MELTF: variants seen among roughly 807,000 people sequenced by gnomAD.
The protein encoded by MELTF is melanotransferrin.
MELTF carries 67 observed loss-of-function variants against 83.7 expected under a neutral mutation model. That is an observed-to-expected ratio of 0.80 (90% CI 0.66 to 0.98). The LOEUF is 0.98. MELTF is among the 50% of genes least tolerant of loss of function. MELTF has a pLI of 0.00. For synonymous variants in MELTF, 462 were observed against 447.6 expected, an observed-to-expected ratio of 1.03 and a Z score of -0.41; for missense variants, 1,002 against 1,035.6, an observed-to-expected ratio of 0.97 and a Z score of 0.44.
In MELTF at chr3:197,006,612, G is replaced by A. The variant is rs373843781; in HGVS notation, c.1875C>T (p.His625=). Residue 625 remains histidine (H), a synonymous_variant, in exon 14 of 16, where the codon CAC becomes CAT. Transcript: ENST00000296350. The surrounding 1 kb of genome is among the most constrained non-coding windows in gnomAD (Gnocchi z 5.4). ...TGGTGTCGGGCCGGACCATCACGGC[G>A]TGGGGTGGTATCTGTGCCAGGTTGC... The part of the protein sequence containing the change: ...AACNLAQIPP[H]AVMVRPDTNI... The A allele has an allele frequency of 2.5e-5, 41 of 1,613,514 alleles. No individual in the cohort carries two copies. The African/African-American group carries it at 3.3e-4, about 13-fold the overall frequency.
At chr3:197,021,576 T>C (rs1719625379) in intron 5 of MELTF, 105 bp from the exon 6 acceptor site, 2 of 1,032,638 alleles carry the variant, frequency 1.9e-6, no homozygotes, top group African/African-American at 1.6e-5. Flanking sequence ...ATGATGGGCA[T>C]GGGCTTTCCA....
chr3:197,003,331 C>G lies in MELTF; in HGVS notation c.*41G>C. 9.5e-7 allele frequency: 1 copy of G among 1,057,452 alleles called. No homozygotes were observed. The highest frequency in any genetic ancestry group is 1.1e-6 in the Non-Finnish European group (1 of 878,184). The allele number at this position is 1,057,452 out of a possible 1,614,324, so 65.5% of individuals were successfully genotyped here. On this transcript the variant is annotated 3_prime_UTR_variant, in exon 16 of 16. Coordinates refer to ENST00000296350, the MANE Select transcript of MELTF (RefSeq NM_005929.6). This position sits in a 1 kb window ranked among gnomAD's most constrained non-coding sequence, Gnocchi z 6.2. ...CCAGCGCGAAGCCGCCGCGGAAACT[C>G]CCCGGGCGGGCATCGGAGCTCTGGG...
intron 2 of MELTF, among the ~76,000 whole-genome samples, chr3:197,027,280 G>A (rs1237870063): frequency 6.6e-6 from 1 of 152,200 alleles, no homozygotes; most frequent in Non-Finnish European, 1.5e-5. Flanking sequence ...CAGGAGGGAC[G>A]CCACTCTCTG....
intron 4 of MELTF, chr3:197,023,882 T>C (rs758456546): frequency 4.3e-5 from 20 of 460,654 alleles, no homozygotes; most frequent in Middle Eastern, 3.6e-4. Flanking sequence ...GGGAGCTTTC[T>C]GGGTGCAAGT....
chr3:197,017,010 G>A, intron 7 of MELTF, 93 bp downstream of exon 7: 1 of 1,370,470 alleles, frequency 7.3e-7, no homozygotes, highest in Non-Finnish European at 1.0e-6. Flanking sequence ...CAGTCTCTGG[G>A]TCCTGCCCCT....
At chr3:197,027,465 G>A (rs1248043460) in intron 2 of MELTF, among the ~76,000 whole-genome samples, 1 of 152,254 alleles carries the variant, frequency 6.6e-6, no homozygotes, top group Non-Finnish European at 1.5e-5. Flanking sequence ...TGCGGCCACT[G>A]AGGGGCCGCC....
intron 5 of MELTF, among the ~76,000 whole-genome samples, chr3:197,021,952 C>T (rs1390688777): frequency 6.6e-6 from 1 of 152,192 alleles, no homozygotes; most frequent in Non-Finnish European, 1.5e-5. Flanking sequence ...CTCTTGGGCT[C>T]AAGTGATCAT....
intron 1 of MELTF, 34 bp from the exon 2 acceptor site, chr3:197,027,944 C>T (rs371983401): frequency 1.1e-4 from 162 of 1,537,568 alleles, no homozygotes; most frequent in Admixed American, 4.5e-4. Context: ...CCGGCTCCCC[C>T]GCCCTGCCCA....
rs760741797 is a variant in MELTF at position 197,006,760 on chromosome 3, G to T, written c.1751-24C>A. 37 of 1,493,524 alleles carry T rather than the reference G, an allele frequency of 2.5e-5. No homozygotes were observed. Among genetic ancestry groups the T allele is most frequent in the Non-Finnish European group, 3.1e-5 (35 of 1,123,382 alleles). The allele number at this position is 1,493,524 out of a possible 1,614,324, so 92.5% of individuals were successfully genotyped here. On this transcript the variant is annotated intron_variant, in intron 13 of 15. Coordinates refer to ENST00000296350, the MANE Select transcript of MELTF (RefSeq NM_005929.6). This position sits in a 1 kb window ranked among gnomAD's most constrained non-coding sequence, Gnocchi z 5.4. ...GCCTGAGGGGGGTAAAGCAGTGTGTGTGGGGACGTTCCGGGAGTGGAGAGA... is the reference window on the plus strand; with the variant it reads ...GCCTGAGGGGGGTAAAGCAGTGTGTTTGGGGACGTTCCGGGAGTGGAGAGA...
At chr3:197,026,833 A>C in intron 2 of MELTF, 74 bp from the exon 3 acceptor site, 6 of 1,413,996 alleles carry the variant, frequency 4.2e-6, no homozygotes, top group Non-Finnish European at 5.9e-6. Context: ...CACCTACCAG[A>C]TGGCCTGGGG....
Position 197,011,228 on chromosome 3 carries a change from T to G in MELTF, c.1234-434A>C, listed in dbSNP as rs551732330. On this transcript the variant is annotated intron_variant, in intron 9 of 15. Coordinates refer to ENST00000296350, the MANE Select transcript of MELTF (RefSeq NM_005929.6). This position sits in a 1 kb window ranked among gnomAD's most constrained non-coding sequence, Gnocchi z 4.2. ...CCTGTCTGTTAAATGCGTGTACAGA[T>G]GGAAGAATGACCGGATCTGAAACGA... Among the ~76,000 whole-genome samples the G allele has an allele frequency of 7.9e-5, 12 of 152,268 alleles. No individual in the cohort carries two copies. Among genetic ancestry groups the G allele is most frequent in the African/African-American group, 2.4e-4 (10 of 41,562 alleles).
At position 197,024,646 on chromosome 3, in the gene MELTF, C is replaced by T. The variant is rs1237570246; in HGVS notation, c.305-161G>A. Among the ~76,000 whole-genome samples the T allele has an allele frequency of 6.6e-6, 1 of 152,250 alleles. No homozygotes were observed. Among genetic ancestry groups the T allele is most frequent in the Non-Finnish European group, 1.5e-5 (1 of 68,044 alleles). On this transcript the variant is annotated intron_variant, in intron 3 of 15. Coordinates refer to ENST00000296350, the MANE Select transcript of MELTF (RefSeq NM_005929.6). This position sits in a 1 kb window ranked among gnomAD's most constrained non-coding sequence, Gnocchi z 5.3. ...TCTCGTTACCAAGAGAGCAAGTGGG[C>T]TTCATCTGCATGTATTAAGAGGCCC...
At chr3:197,027,670 C>G in intron 2 of MELTF, 86 bp downstream of exon 2, 1 of 1,464,332 alleles carries the variant, frequency 6.8e-7, no homozygotes, top group Non-Finnish European at 9.2e-7. Flanking sequence ...GCGAGGTCGG[C>G]TCCTTTCCTG....
intron 7 of MELTF, among the ~76,000 whole-genome samples, 173 bp downstream of exon 7, chr3:197,016,930 T>A (rs895073769): frequency 6.6e-6 from 1 of 152,112 alleles, no homozygotes; most frequent in Admixed American, 6.5e-5. Flanking sequence ...TGGCCAGCCC[T>A]CCTTCTGGCC....
In MELTF at chr3:197,006,577, G is replaced by A; in HGVS notation, c.1910C>T (p.Thr637Ile). Residue 637 changes from threonine (T) to isoleucine (I), a missense_variant, in exon 14 of 16, where the codon ACC becomes ATC. By Grantham distance (89) the Thr-to-Ile change is moderately conservative (BLOSUM62 -1). Coordinates refer to ENST00000296350, the MANE Select transcript of MELTF (RefSeq NM_005929.6). The surrounding 1 kb of genome is among the most constrained non-coding windows in gnomAD (Gnocchi z 5.4). ...GGCCTTGTCCAGCAGTCCATACACG[G>A]TGAAGATGTTGGTGTCGGGCCGGAC... ...VMVRPDTNIF[T>I]VYGLLDKAQD... 6.2e-7 allele frequency: 1 copy of A among 1,613,760 alleles called. No homozygotes were observed. The highest frequency in any genetic ancestry group is 1.1e-5 in the South Asian group (1 of 91,052).
rs1271522076 is a variant in MELTF at position 197,011,131 on chromosome 3, G to A, written c.1234-337C>T. 6.6e-6 allele frequency among the ~76,000 whole-genome samples: 1 copy of A among 152,230 alleles called. No individual in the cohort carries two copies. The highest frequency in any genetic ancestry group is 2.4e-5 in the African/African-American group (1 of 41,470). On this transcript the variant is annotated intron_variant, in intron 9 of 15. Transcript: ENST00000296350. The surrounding 1 kb of genome is among the most constrained non-coding windows in gnomAD (Gnocchi z 4.2). Reference sequence around the variant, plus strand: ...CTTGGCGTGGGCCTCCCTGTGCCCTGCCAGCCCCCAGACAGCCGGGCACCG... The same window carrying A: ...CTTGGCGTGGGCCTCCCTGTGCCCTACCAGCCCCCAGACAGCCGGGCACCG...
Position 197,016,179 on chromosome 3 carries a change from G to A in MELTF, c.1081+10C>T, listed in dbSNP as rs184817102. Reference sequence around the variant, plus strand: ...CTGGAGCTGGCAGCAGTGGGGACAGGTGGACTTACGGTTGGGGTCACAGAG... The same window carrying A: ...CTGGAGCTGGCAGCAGTGGGGACAGATGGACTTACGGTTGGGGTCACAGAG... On this transcript the variant is annotated intron_variant, in intron 8 of 15. Transcript: ENST00000296350. 8.8e-5 allele frequency: 133 copies of A among 1,518,104 alleles called. No individual in the cohort carries two copies. The East Asian group carries it at 2.8e-3, about 32-fold the overall frequency. 94.0% of individuals were successfully genotyped at this position (1,518,104 alleles called of 1,614,324 possible). A position where few individuals can be genotyped will look rare whatever the true frequency, so the allele number is the denominator to read the frequency against.
chr3:197,018,115 T>G (rs1183373861), intron 6 of MELTF, among the ~76,000 whole-genome samples: 1 of 152,144 alleles, frequency 6.6e-6, no homozygotes, highest in African/African-American at 2.4e-5. Flanking sequence ...TTCAAGTCCT[T>G]TTTTCTATTT....
Position 197,024,059 on chromosome 3 carries a change from GGGACA to G in MELTF, c.487+239_487+243del, listed in dbSNP as rs1719742759. On this transcript the variant is annotated intron_variant, in intron 4 of 15. Transcript: ENST00000296350. This position sits in a 1 kb window ranked among gnomAD's most constrained non-coding sequence, Gnocchi z 5.3. ...GGGCCTGTGCCTGGCTGTGCCATGT[GGGACA>G]CCACGATGCGTGAGCAAGAATCGCG... 1.6e-6 allele frequency: 1 copy of G among 637,380 alleles called. No homozygotes were observed. Among genetic ancestry groups the G allele is most frequent in the South Asian group, 1.7e-5 (1 of 60,254 alleles). The allele number at this position is 637,380 out of a possible 1,614,324, so 39.5% of individuals were successfully genotyped here. A position where few individuals can be genotyped will look rare whatever the true frequency, so the allele number is the denominator to read the frequency against.
Sources: gnomAD v4.1 joint callset for allele counts (sites outside exome capture counted in the v4.1 genomes callset) on GRCh38, gnomAD v4.1.1 for gene constraint, Gnocchi (gnomAD v3.1) non-coding constraint, MANE v1.5 for transcripts, NCBI Gene and HGNC (gene_info 2026-07-23, HGNC 2026-07-21) for gene names.